FRAS1: variants seen among roughly 807,000 people sequenced by gnomAD.
The protein encoded by FRAS1 is extracellular matrix organizing protein FRAS1.
FRAS1 carries 290 observed loss-of-function variants against 435.2 expected under a neutral mutation model. The ratio of observed to expected loss-of-function variants is 0.67; its 90% CI spans 0.61 to 0.73. The LOEUF is 0.73. Ranked by LOEUF, FRAS1 falls within the 30% of genes least tolerant of loss-of-function variation. The probability of loss-of-function intolerance (pLI) is 0.00; values close to 1 mark genes in which losing one functional copy is unlikely to be tolerated. For missense variants in FRAS1, 4,860 were observed against 5,001.5 expected, an observed-to-expected ratio of 0.97 and a Z score of 0.85; for synonymous variants, 1,800 against 1,851.0, an observed-to-expected ratio of 0.97 and a Z score of 0.71.
chr4:78,401,913 A>G (rs970939725), intron 30 of FRAS1, among the ~76,000 whole-genome samples: 4 of 151,674 alleles, frequency 2.6e-5, no homozygotes, highest in African/African-American at 9.7e-5. Flanking sequence ...CAGAAGGCCT[A>G]CTCTCTGCTA....
chr4:78,483,782 C>CTATA (rs1393760973), intron 58 of FRAS1, among the ~76,000 whole-genome samples: 1 of 83,294 alleles, frequency 1.2e-5, no homozygotes, highest in African/African-American at 3.3e-5. Context: ...CTCTCTCTCT[C>CTATA]TATATATATA....
chr4:78,307,845 C>T (rs535049337), intron 14 of FRAS1, among the ~76,000 whole-genome samples: 4 of 152,304 alleles, frequency 2.6e-5, no homozygotes, highest in East Asian at 3.9e-4. Flanking sequence ...AGCTGTAGGC[C>T]GGAGCTGTTC....
In FRAS1 at chr4:78,298,256, T is replaced by A. The variant is rs551696876; in HGVS notation, c.1535-9810T>A. On this transcript the variant is annotated intron_variant, in intron 14 of 73. Transcript: ENST00000512123. Reference sequence around the variant, plus strand: ...ACATAAATGTATATTATTAAATATATAAGGTACATATTTAAGGTATACAAT... The same window carrying A: ...ACATAAATGTATATTATTAAATATAAAAGGTACATATTTAAGGTATACAAT... Among the ~76,000 whole-genome samples, 32 of 149,530 alleles carry A rather than the reference T, an allele frequency of 2.1e-4. No homozygotes were observed. In the East Asian group the frequency reaches 5.8e-3, roughly 27 times the overall value.
At chr4:78,455,385 G>A (rs2109838698) in intron 47 of FRAS1, among the ~76,000 whole-genome samples, 1 of 151,922 alleles carries the variant, frequency 6.6e-6, no homozygotes, top group East Asian at 1.9e-4. Context: ...TGTCTCAATG[G>A]GTGAGGATGG....
At chr4:78,307,452 C>T (rs1728807800) in intron 14 of FRAS1, among the ~76,000 whole-genome samples, 1 of 152,238 alleles carries the variant, frequency 6.6e-6, no homozygotes, top group Non-Finnish European at 1.5e-5. Flanking sequence ...GGCGGGCGCC[C>T]CTCCCCCAGC....
intron 2 of FRAS1, among the ~76,000 whole-genome samples, chr4:78,087,781 C>T (rs1346870259): frequency 6.6e-6 from 1 of 152,074 alleles, no homozygotes; most frequent in Non-Finnish European, 1.5e-5. Flanking sequence ...AAAGAGGATA[C>T]AAAGAAATGG....
intron 2 of FRAS1, among the ~76,000 whole-genome samples, chr4:78,186,974 G>GT (rs1333815271): frequency 3.3e-5 from 5 of 152,128 alleles, no homozygotes; most frequent in African/African-American, 4.8e-5. Context: ...ATTTACTTTA[G>GT]TTTTTTCCAA....
intron 47 of FRAS1, among the ~76,000 whole-genome samples, chr4:78,456,145 T>TTTTCTTTC (rs1560738479): frequency 7.2e-6 from 1 of 138,426 alleles, no homozygotes. Context: ...TCACTTTTTT[T>TTTTCTTTC]TTTTTTTTTT....
intron 2 of FRAS1, among the ~76,000 whole-genome samples, chr4:78,095,580 T>C (rs986255559): frequency 3.9e-5 from 6 of 152,320 alleles, no homozygotes; most frequent in East Asian, 3.9e-4. Flanking sequence ...AATGGACATA[T>C]AATTCCAAGT....
At chr4:78,097,248 C>A (rs1346629606) in intron 2 of FRAS1, among the ~76,000 whole-genome samples, 1 of 152,206 alleles carries the variant, frequency 6.6e-6, no homozygotes, top group Non-Finnish European at 1.5e-5. Flanking sequence ...ATATCATTAT[C>A]AGCATTTTGG....
intron 30 of FRAS1, among the ~76,000 whole-genome samples, chr4:78,404,692 A>G (rs1285163189): frequency 1.3e-5 from 2 of 152,022 alleles, no homozygotes; most frequent in Non-Finnish European, 2.9e-5. Context: ...CCACTTCCTC[A>G]GTTACTCTTG....
chr4:78,210,695 G>A (rs1174659058), intron 2 of FRAS1, among the ~76,000 whole-genome samples: 2 of 152,172 alleles, frequency 1.3e-5, no homozygotes, highest in Non-Finnish European at 2.9e-5. Flanking sequence ...ATACAATTAT[G>A]GAAAATAGGT....
At chr4:78,361,610 C>T (rs541585319) in intron 20 of FRAS1, among the ~76,000 whole-genome samples, 3 of 152,112 alleles carry the variant, frequency 2.0e-5, no homozygotes, top group African/African-American at 7.2e-5. Flanking sequence ...GCTTCGTGTA[C>T]AGGGAACACA....
chr4:78,391,037 T>G (rs74510164), intron 29 of FRAS1, among the ~76,000 whole-genome samples: 7,867 of 152,300 alleles, frequency 0.052, 660 homozygotes, highest in African/African-American at 0.17. Context: ...TTTTTTGGTT[T>G]TTTTTGGATG....
intron 40 of FRAS1, among the ~76,000 whole-genome samples, chr4:78,439,425 A>T (rs560438482): frequency 2.2e-4 from 34 of 152,292 alleles, no homozygotes; most frequent in Non-Finnish European, 4.6e-4. Context: ...ATCACTCCTT[A>T]AATCAAGTCA....
At chr4:78,307,563 C>T (rs570210339) in intron 14 of FRAS1, among the ~76,000 whole-genome samples, 98 of 152,320 alleles carry the variant, frequency 6.4e-4, no homozygotes, top group African/African-American at 2.2e-3. Context: ...CCTGGTGCGC[C>T]GTTTTTTAAG....
rs371748152 is a variant in FRAS1, at chr4:78,377,090, A to T, written c.3292+1211A>T. On this transcript the variant is annotated intron_variant, in intron 26 of 73. Coordinates refer to ENST00000512123, the MANE Select transcript of FRAS1 (RefSeq NM_025074.7). ...TTACCTTAAATAACAAAGAGAAGTG[A>T]ATTTAAATTCAGTCTTAATTTTGAA... 1.1e-4 allele frequency among the ~76,000 whole-genome samples: 16 copies of T among 152,290 alleles called. No homozygotes were observed. The East Asian group carries it at 1.2e-3, about 11-fold the overall frequency.
At chr4:78,403,215 A>G (rs1055587937) in intron 30 of FRAS1, among the ~76,000 whole-genome samples, 1 of 152,192 alleles carries the variant, frequency 6.6e-6, no homozygotes, top group Non-Finnish European at 1.5e-5. Flanking sequence ...AAGCCCCCAA[A>G]TTTCCTAGAA....
chr4:78,390,246 C>G (rs1732393599), intron 29 of FRAS1, among the ~76,000 whole-genome samples: 1 of 152,022 alleles, frequency 6.6e-6, no homozygotes, highest in African/African-American at 2.4e-5. Context: ...AATGGAGATT[C>G]TATTATGGGT....
Sources: allele counts gnomAD v4.1 joint callset (sites outside exome capture counted in the v4.1 genomes callset), GRCh38; gene constraint gnomAD v4.1.1; transcripts MANE v1.5; gene names NCBI Gene and HGNC (gene_info 2026-07-23, HGNC 2026-07-21).